KDM4C: variants seen among roughly 807,000 people sequenced by gnomAD.
The protein encoded by KDM4C is lysine demethylase 4C.
In KDM4C, 81 loss-of-function variants were observed where a neutral mutation model predicts 129.3. That is an observed-to-expected ratio of 0.63 (90% CI 0.52 to 0.75). The LOEUF (loss-of-function observed/expected upper bound fraction) is 0.75, where lower values mean the gene tolerates loss of function less well. KDM4C is among the 30% of genes least tolerant of loss of function. KDM4C has a pLI of 0.00. For synonymous variants in KDM4C, 573 were observed against 456.1 expected (o/e 1.26, Z -3.26); for missense variants, 1,457 against 1,304.0 (o/e 1.12, Z -1.81).
intron 9 of KDM4C, among the ~76,000 whole-genome samples, chr9:6,983,606 ACACACAC>A (rs1817159402): frequency 8.4e-6 from 1 of 118,640 alleles, no homozygotes; most frequent in Non-Finnish European, 1.9e-5. Context: ...ACACACACAC[ACACACAC>A]CAGTTAGCCT....
At chr9:6,756,915 G>A (rs1364079996), upstream of KDM4C, among the ~76,000 whole-genome samples, 1 of 152,184 alleles carries the variant, frequency 6.6e-6, no homozygotes, top group African/African-American at 2.4e-5. Context: ...TCAGTATAAT[G>A]TAACAGAAAA....
Position 6,993,412 on chromosome 9 carries a change from C to T in KDM4C, c.1786+2888C>T, listed in dbSNP as rs148304778. Among the ~76,000 whole-genome samples the T allele has an allele frequency of 3.7e-3, 566 of 152,242 alleles. 5 individuals are homozygous for T. Among genetic ancestry groups the T allele is most frequent in the African/African-American group, 0.013 (552 of 41,544 alleles). The stretch of plus-strand genomic sequence containing the variant: ...CAGCTGGATAAGGTGACTGAAACTT[C>T]AATTAAAATTCTTTTTATTGCCCAG... On this transcript the variant is annotated intron_variant, in intron 12 of 21. Coordinates refer to ENST00000381309, the MANE Select transcript of KDM4C (RefSeq NM_015061.6).
intron 8 of KDM4C, among the ~76,000 whole-genome samples, chr9:6,949,794 A>T (rs919051165): frequency 6.6e-5 from 10 of 152,350 alleles, no homozygotes; most frequent in African/African-American, 2.4e-4. Context: ...TGGCAGCAGT[A>T]CAGTCCAGCT....
intron 3 of KDM4C, among the ~76,000 whole-genome samples, chr9:6,809,065 A>G (rs976341982): frequency 6.6e-6 from 1 of 152,220 alleles, no homozygotes; most frequent in Admixed American, 6.5e-5. Context: ...TATATTTGAC[A>G]TTGTAAGCAC....
chr9:6,806,472 C>T (rs897657200), intron 3 of KDM4C, among the ~76,000 whole-genome samples: 1 of 151,456 alleles, frequency 6.6e-6, no homozygotes, highest in Non-Finnish European at 1.5e-5. Flanking sequence ...CCAGCCTGGG[C>T]AACAAGAGTG....
chr9:6,850,153 A>G (rs368577367), intron 5 of KDM4C, among the ~76,000 whole-genome samples: 3 of 152,228 alleles, frequency 2.0e-5, no homozygotes, highest in Non-Finnish European at 4.4e-5. Flanking sequence ...AGATTTGTGT[A>G]AGTCCACTCC....
chr9:7,092,046 A>G (rs1350939259), intron 17 of KDM4C, among the ~76,000 whole-genome samples: 3 of 152,172 alleles, frequency 2.0e-5, no homozygotes, highest in Non-Finnish European at 2.9e-5. Context: ...TGGATCTTAT[A>G]CCCAAGCTCT....
At chr9:7,019,721 A>ATATTTTTATATATAAAAATATT (rs1563992994) in intron 15 of KDM4C, among the ~76,000 whole-genome samples, 44 of 98,696 alleles carry the variant, frequency 4.5e-4, no homozygotes, top group Non-Finnish European at 6.1e-4. Flanking sequence ...ATAAAAATAT[A>ATATTTTTATATATAAAAATATT]ATATTTTTAT....
At chr9:6,724,528 GTTATTA>G (rs1294512963) in intron 1 of KDM4C, among the ~76,000 whole-genome samples, 2 of 151,848 alleles carry the variant, frequency 1.3e-5, no homozygotes, top group Admixed American at 6.6e-5. Flanking sequence ...TATTATTATT[GTTATTA>G]TTATTATTAT....
chr9:6,900,174 A>G (rs1203876420), intron 8 of KDM4C, among the ~76,000 whole-genome samples: 8 of 152,098 alleles, frequency 5.3e-5, no homozygotes, highest in Non-Finnish European at 1.0e-4. Context: ...CCTTTTTACA[A>G]TGTGTCATTT....
At chr9:6,844,239 C>T (rs1837465368) in intron 4 of KDM4C, among the ~76,000 whole-genome samples, 1 of 152,164 alleles carries the variant, frequency 6.6e-6, no homozygotes, top group Admixed American at 6.5e-5. Context: ...GGACTATCTT[C>T]ATTTACAAAT....
At chr9:6,779,698 A>T (rs1823901953) in intron 1 of KDM4C, among the ~76,000 whole-genome samples, 1 of 152,184 alleles carries the variant, frequency 6.6e-6, no homozygotes, top group African/African-American at 2.4e-5. Flanking sequence ...AGTCAATATC[A>T]AATCCCTTTC....
chr9:6,926,287 T>C (rs1304453789), intron 8 of KDM4C, among the ~76,000 whole-genome samples: 1 of 139,130 alleles, frequency 7.2e-6, no homozygotes, highest in African/African-American at 2.7e-5. Context: ...TGAGGTAATA[T>C]AAGGCGTTTG....
intron 17 of KDM4C, among the ~76,000 whole-genome samples, chr9:7,069,170 C>A (rs1161496959): frequency 6.6e-6 from 1 of 152,008 alleles, no homozygotes; most frequent in Admixed American, 6.5e-5. Context: ...AATAAATATT[C>A]CTTCTTATTG....
intron 5 of KDM4C, among the ~76,000 whole-genome samples, chr9:6,861,720 G>A (rs1840956237): frequency 6.6e-6 from 1 of 151,682 alleles, no homozygotes; most frequent in Non-Finnish European, 1.5e-5. Context: ...GAGGAATCAT[G>A]CATAAAGTTT....
intron 4 of KDM4C, among the ~76,000 whole-genome samples, chr9:6,832,292 A>T (rs899770177): frequency 4.0e-5 from 6 of 148,960 alleles, no homozygotes; most frequent in Non-Finnish European, 5.9e-5. Context: ...GTGAGCTGAG[A>T]TTGCGCCACT....
Position 6,893,324 on chromosome 9 carries a change from T to C in KDM4C, c.921+92T>C, listed in dbSNP as rs887546539. ...ACGATCCTGTGCAGCATTTATTTATTCTTCCTCACTGGCGCCATGTGCCTC... is the reference window on the plus strand; with the variant it reads ...ACGATCCTGTGCAGCATTTATTTATCCTTCCTCACTGGCGCCATGTGCCTC... On this transcript the variant is annotated intron_variant, in intron 8 of 21. Transcript: ENST00000381309. 10 of 1,007,702 alleles carry C rather than the reference T, an allele frequency of 9.9e-6. No homozygotes were observed. In the Admixed American group the frequency reaches 2.4e-4, roughly 24 times the overall value. 62.4% of individuals were successfully genotyped at this position (1,007,702 alleles called of 1,614,324 possible).
intron 19 of KDM4C, among the ~76,000 whole-genome samples, chr9:7,140,806 CATGTATAAAAG>C (rs1293392780): frequency 6.6e-6 from 1 of 152,124 alleles, no homozygotes; most frequent in African/African-American, 2.4e-5. Context: ...ACATACGCAG[CATGTATAAAAG>C]ATGTGCTTCG....
intron 18 of KDM4C, among the ~76,000 whole-genome samples, chr9:7,106,507 C>G (rs1437615852): frequency 6.6e-6 from 1 of 152,118 alleles, no homozygotes; most frequent in Non-Finnish European, 1.5e-5. Flanking sequence ...GAAGTATAAA[C>G]CTACTGTTGC....
Sources: gnomAD v4.1 joint callset for allele counts (sites outside exome capture counted in the v4.1 genomes callset) on GRCh38, gnomAD v4.1.1 for gene constraint, MANE v1.5 for transcripts, NCBI Gene and HGNC (gene_info 2026-07-23, HGNC 2026-07-21) for gene names.